The following SIGMAR1 variants were observed in gnomAD, a reference collection of about 807,000 sequenced individuals.
The protein encoded by SIGMAR1 is SR31747 binding protein 1.
A neutral mutation model predicts 25.4 loss-of-function variants in SIGMAR1; 18 were observed. That is an observed-to-expected ratio of 0.71 (90% CI 0.49 to 1.05). The LOEUF is 1.05. Among genes scored for constraint, SIGMAR1 ranks in the 50% least tolerant of loss-of-function variants. The pLI is 0.00. For synonymous variants in SIGMAR1, 125 were observed against 131.6 expected (o/e 0.95, Z 0.34); for missense variants, 249 against 301.6 (o/e 0.83, Z 1.29).
In SIGMAR1 at chr9:34,635,477, T is replaced by C; in HGVS notation, c.*155A>G. On this transcript the variant is annotated 3_prime_UTR_variant, in exon 4 of 4. Coordinates refer to ENST00000277010, the MANE Select transcript of SIGMAR1 (RefSeq NM_005866.4). The surrounding 1 kb of genome is among the most constrained non-coding windows in gnomAD (Gnocchi z 4.5). ...CATTTGTTCCCATGGGTCTCTGTGT[T>C]TGGATACATAAGCATGGATATCCCT... The C allele has an allele frequency of 1.7e-6, 2 of 1,145,356 alleles. No homozygotes were observed. The highest frequency in any genetic ancestry group is 2.5e-6 in the Non-Finnish European group (2 of 790,774). The allele number at this position is 1,145,356 out of a possible 1,614,324, so 70.9% of individuals were successfully genotyped here. A position where few individuals can be genotyped will look rare whatever the true frequency, so the allele number is the denominator to read the frequency against.
rs1322031976 is a variant in SIGMAR1 at position 34,635,896 on chromosome 9, T to C, written c.446-38A>G. The stretch of plus-strand genomic sequence containing the variant: ...GAGCACCCAAGTGAAAAGCCAGCTC[T>C]GCCCTGCCCTTCCATGGCTGCTGCT... On this transcript the variant is annotated intron_variant, in intron 3 of 3. Coordinates refer to ENST00000277010, the MANE Select transcript of SIGMAR1 (RefSeq NM_005866.4). The surrounding 1 kb of genome is among the most constrained non-coding windows in gnomAD (Gnocchi z 4.5). The C allele has an allele frequency of 6.2e-7, 1 of 1,612,212 alleles. No homozygotes were observed. The highest frequency in any genetic ancestry group is 1.7e-5 in the Admixed American group (1 of 59,974).
rs1305281099 is a variant in SIGMAR1, at chr9:34,635,813, C to T, written c.491G>A (p.Trp164Ter). The stretch of plus-strand genomic sequence containing the variant: ...CTCCACCATCCATGTGTTTGGCCCC[C>T]ACTCCACAGCTGTTGCCTCACCAGG... Reference protein sequence around the residue: ...HGPGEATAVEWGPNTWMVEYG... With the variant: ...HGPGEATAVE Residue 164 changes from tryptophan to a stop codon, truncating the protein, a stop_gained, in exon 4 of 4, where the codon TGG (tryptophan) becomes TAG (stop). Coordinates refer to ENST00000277010, the MANE Select transcript of SIGMAR1 (RefSeq NM_005866.4). LOFTEE classifies it high-confidence loss of function. This position sits in a 1 kb window ranked among gnomAD's most constrained non-coding sequence, Gnocchi z 4.5. The T allele has an allele frequency of 6.2e-7, 1 of 1,614,206 alleles. No individual in the cohort carries two copies. The highest frequency in any genetic ancestry group is 1.1e-5 in the South Asian group (1 of 91,086).
In SIGMAR1 at chr9:34,635,250, C is replaced by A; in HGVS notation, c.*382G>T. On this transcript the variant is annotated 3_prime_UTR_variant, in exon 4 of 4. Coordinates refer to ENST00000277010, the MANE Select transcript of SIGMAR1 (RefSeq NM_005866.4). This position sits in a 1 kb window ranked among gnomAD's most constrained non-coding sequence, Gnocchi z 4.5. ...ACTGAGGCAGTATAATACCCTCCCC[C>A]ATCCTTAACTCTAGAACCCCGGTTT... 2.9e-6 allele frequency: 1 copy of A among 349,870 alleles called. No homozygotes were observed. The highest frequency in any genetic ancestry group is 2.3e-5 in the South Asian group (1 of 43,304). The allele number at this position is 349,870 out of a possible 1,614,324, so 21.7% of individuals were successfully genotyped here. A position where few individuals can be genotyped will look rare whatever the true frequency, so the allele number is the denominator to read the frequency against.
Position 34,637,556 on chromosome 9 carries a change from G to A in SIGMAR1, c.142C>T (p.Gln48Ter). 2 of 1,583,992 alleles carry A rather than the reference G, an allele frequency of 1.3e-6. No homozygotes were observed. The highest frequency in any genetic ancestry group is 1.7e-6 in the Non-Finnish European group (2 of 1,169,406). ...CCCTCTGCCCGCTCACCAGCGTACT[G>A]CCGCGCCAACTGCGCTATCTCTTCG... ...QREEIAQLARQYAGLDHELAF... is the reference protein window; with the variant it reads ...QREEIAQLAR Residue 48 changes from glutamine (Q) to a stop codon, truncating the protein, a stop_gained, in exon 1 of 4, where the codon CAG (glutamine) becomes TAG (stop). Transcript: ENST00000277010. LOFTEE classifies it high-confidence loss of function.
chr9:34,635,531 A>G lies in SIGMAR1; in HGVS notation c.*101T>C. On this transcript the variant is annotated 3_prime_UTR_variant, in exon 4 of 4. Coordinates refer to ENST00000277010, the MANE Select transcript of SIGMAR1 (RefSeq NM_005866.4). This position sits in a 1 kb window ranked among gnomAD's most constrained non-coding sequence, Gnocchi z 4.5. ...CATACAGCAGGAACTCAGGATCTGCATGGTGTATGTCCCTGTCTGTAAACA... is the reference window on the plus strand; with the variant it reads ...CATACAGCAGGAACTCAGGATCTGCGTGGTGTATGTCCCTGTCTGTAAACA... 3 of 1,541,626 alleles carry G rather than the reference A, an allele frequency of 1.9e-6. No homozygotes were observed. Among genetic ancestry groups the G allele is most frequent in the African/African-American group, 2.7e-5 (2 of 73,424 alleles).
chr9:34,637,458 ACCGGTCCTAG>A, intron 1 of SIGMAR1, 38 bp from the exon 2 acceptor site: 3 of 1,590,466 alleles, frequency 1.9e-6, no homozygotes, highest in Non-Finnish European at 2.6e-6. Flanking sequence ...CAGGGCTGGC[ACCGGTCCTAG>A]GTCCGGGGAT....
intron 3 of SIGMAR1, among the ~76,000 whole-genome samples, chr9:34,636,347 G>A (rs556536833): frequency 1.5e-3 from 227 of 150,920 alleles, no homozygotes; most frequent in African/African-American, 5.3e-3. Flanking sequence ...AAAAGGCAGG[G>A]GAGCGGCCGG....
In SIGMAR1 at chr9:34,635,652, G is replaced by T; in HGVS notation, c.652C>A (p.Leu218Ile). The T allele has an allele frequency of 6.2e-7, 1 of 1,614,232 alleles. No individual in the cohort carries two copies. The highest frequency in any genetic ancestry group is 2.2e-5 in the East Asian group (1 of 44,886). ...GCTGGTCAAGGGTCCTGGCCAAAGA[G>T]GTAGGTGGTGAGCTCAAGCCGGAGG... ...RGLRLELTTY[L>I]FGQDP The change falls in exon 4 of 4, where the codon CTC (leucine) becomes ATC (isoleucine). Residue 218 changes from leucine (L) to isoleucine (I), a missense_variant. Leu to Ile is a conservative substitution (Grantham distance 5, BLOSUM62 2). Coordinates refer to ENST00000277010, the MANE Select transcript of SIGMAR1 (RefSeq NM_005866.4). The surrounding 1 kb of genome is among the most constrained non-coding windows in gnomAD (Gnocchi z 4.5).
chr9:34,635,785 G>A lies in SIGMAR1; in HGVS notation c.519C>T (p.Tyr173=), dbSNP rs761290005. 20 of 1,614,070 alleles carry A rather than the reference G, an allele frequency of 1.2e-5. No homozygotes were observed. Among genetic ancestry groups the A allele is most frequent in the Middle Eastern group, 1.6e-4 (1 of 6,084 alleles). The change falls in exon 4 of 4, where the codon TAC becomes TAT. Residue 173 remains tyrosine, a synonymous_variant. Transcript: ENST00000277010. The surrounding 1 kb of genome is among the most constrained non-coding windows in gnomAD (Gnocchi z 4.5). ...EWGPNTWMVE[Y]GRGVIPSTLA... is the part of the protein sequence containing the mutation. The stretch of plus-strand genomic sequence containing the variant: ...GGGTGGATGGGATGACGCCCCGGCC[G>A]TACTCCACCATCCATGTGTTTGGCC...
In SIGMAR1 at chr9:34,635,633, C is replaced by A; in HGVS notation, c.671G>T (p.Ter224LeuextTer64). ...AGGTCTTCCTTCAGGCCTGGCTGGT[C>A]AAGGGTCCTGGCCAAAGAGGTAGGT... ...LTTYLFGQDP* is the reference protein window; with the variant it reads ...LTTYLFGQDPL The change falls in exon 4 of 4, where the codon TGA becomes TTA. Residue 224 changes from the stop codon to leucine, a stop_lost. Coordinates refer to ENST00000277010, the MANE Select transcript of SIGMAR1 (RefSeq NM_005866.4). The surrounding 1 kb of genome is among the most constrained non-coding windows in gnomAD (Gnocchi z 4.5). The A allele has an allele frequency of 6.2e-7, 1 of 1,614,102 alleles. No individual in the cohort carries two copies. The highest frequency in any genetic ancestry group is 1.1e-5 in the South Asian group (1 of 91,044).
rs2132330852 is a variant in SIGMAR1 at position 34,637,672 on chromosome 9, C to T, written c.26G>A (p.Trp9Ter). The T allele has an allele frequency of 6.5e-7, 1 of 1,532,998 alleles. No homozygotes were observed. Among genetic ancestry groups the T allele is most frequent in the Non-Finnish European group, 8.7e-7 (1 of 1,144,856 alleles). The allele number at this position is 1,532,998 out of a possible 1,614,324, so 95.0% of individuals were successfully genotyped here. Residue 9 changes from tryptophan (W) to a stop codon, truncating the protein, a stop_gained, in exon 1 of 4, where the codon TGG becomes TAG. Transcript: ENST00000277010. LOFTEE classifies it high-confidence loss of function. MQWAVGRR[W>*]AWAALLLAVA... Reference sequence around the variant, plus strand: ...AGCCAGGAGCAGCGCGGCCCACGCCCACCGCCGGCCCACGGCCCACTGCAT... The same window carrying T: ...AGCCAGGAGCAGCGCGGCCCACGCCTACCGCCGGCCCACGGCCCACTGCAT...
chr9:34,635,500 C>G lies in SIGMAR1; in HGVS notation c.*132G>C. Reference sequence around the variant, plus strand: ...GTTTGGATACATAAGCATGGATATCCCTGCTCATACAGCAGGAACTCAGGA... The same window carrying G: ...GTTTGGATACATAAGCATGGATATCGCTGCTCATACAGCAGGAACTCAGGA... On this transcript the variant is annotated 3_prime_UTR_variant, in exon 4 of 4. Coordinates refer to ENST00000277010, the MANE Select transcript of SIGMAR1 (RefSeq NM_005866.4). This position sits in a 1 kb window ranked among gnomAD's most constrained non-coding sequence, Gnocchi z 4.5. 7.3e-7 allele frequency: 1 copy of G among 1,362,708 alleles called. No individual in the cohort carries two copies. Among genetic ancestry groups the G allele is most frequent in the East Asian group, 2.5e-5 (1 of 40,152 alleles). The allele number at this position is 1,362,708 out of a possible 1,614,324, so 84.4% of individuals were successfully genotyped here. A position where few individuals can be genotyped will look rare whatever the true frequency, so the allele number is the denominator to read the frequency against.
In SIGMAR1 at chr9:34,637,009, C is replaced by T. The variant is rs1820890876; in HGVS notation, c.433G>A (p.Val145Ile). The T allele has an allele frequency of 1.2e-6, 2 of 1,613,976 alleles. No homozygotes were observed. The highest frequency in any genetic ancestry group is 2.2e-5 in the East Asian group (1 of 44,894). The change falls in exon 3 of 4, where the codon GTC (valine) becomes ATC (isoleucine). Residue 145 changes from valine (V) to isoleucine (I), a missense_variant. Physicochemically the swap from Val to Ile is conservative, Grantham distance 29 (BLOSUM62 3). Transcript: ENST00000277010. ...QWREGTTKSE[V>I]FYPGETVVHG... ...CCTTCTTACCCACCTGGGTAGAAGA[C>T]CTCACTTTTGGTGGTGCCCTCTCTC...
Position 34,637,762 on chromosome 9 carries a change from G to A in SIGMAR1, c.-65C>T, listed in dbSNP as rs932631229. 15 of 1,202,652 alleles carry A rather than the reference G, an allele frequency of 1.2e-5. 1 individual carries two copies. The highest frequency in any genetic ancestry group is 5.9e-4 in the Middle Eastern group (2 of 3,388). 74.5% of individuals were successfully genotyped at this position (1,202,652 alleles called of 1,614,324 possible). Reference sequence around the variant, plus strand: ...CCGGGGCCTGAGGCTTTGCGCTCACGGCCTCGGAGCCCGCCGGCTGCCCAC... The same window carrying A: ...CCGGGGCCTGAGGCTTTGCGCTCACAGCCTCGGAGCCCGCCGGCTGCCCAC... On this transcript the variant is annotated 5_prime_UTR_variant, in exon 1 of 4. Transcript: ENST00000277010.
chr9:34,635,412 G>C lies in SIGMAR1; in HGVS notation c.*220C>G. The C allele has an allele frequency of 1.5e-6, 1 of 677,608 alleles. No individual in the cohort carries two copies. The highest frequency in any genetic ancestry group is 1.8e-5 in the South Asian group (1 of 56,464). The allele number at this position is 677,608 out of a possible 1,614,324, so 42.0% of individuals were successfully genotyped here. A position where few individuals can be genotyped will look rare whatever the true frequency, so the allele number is the denominator to read the frequency against. ...CTCTCCAGATGGGTGTGAGTGCATG[G>C]TCCTACTGTACACACAGGTCTCAGT... On this transcript the variant is annotated 3_prime_UTR_variant, in exon 4 of 4. Transcript: ENST00000277010. This position sits in a 1 kb window ranked among gnomAD's most constrained non-coding sequence, Gnocchi z 4.5.
chr9:34,637,740 G>T lies in SIGMAR1; in HGVS notation c.-43C>A. On this transcript the variant is annotated 5_prime_UTR_variant, in exon 1 of 4. Coordinates refer to ENST00000277010, the MANE Select transcript of SIGMAR1 (RefSeq NM_005866.4). ...CACGGCGCAGCTCAGGAGGGAGCCG[G>T]GGCCTGAGGCTTTGCGCTCACGGCC... The T allele has an allele frequency of 7.2e-7, 1 of 1,386,840 alleles. No individual in the cohort carries two copies. The highest frequency in any genetic ancestry group is 1.4e-5 in the South Asian group (1 of 69,090). 85.9% of individuals were successfully genotyped at this position (1,386,840 alleles called of 1,614,324 possible).
At chr9:34,636,783 A>G (rs1321412526) in intron 3 of SIGMAR1, 1 of 608,256 alleles carries the variant, frequency 1.6e-6, no homozygotes, top group African/African-American at 1.8e-5. Flanking sequence ...CATGTTTAAT[A>G]GGAAGTTGTT....
chr9:34,637,323 G>T lies in SIGMAR1; in HGVS notation c.249C>A (p.Phe83Leu). 6.2e-7 allele frequency: 1 copy of T among 1,602,758 alleles called. No homozygotes were observed. Among genetic ancestry groups the T allele is most frequent in the Non-Finnish European group, 8.5e-7 (1 of 1,177,868 alleles). Residue 83 changes from phenylalanine to leucine, a missense_variant, in exon 2 of 4, where the codon TTC becomes TTA. By Grantham distance (22) the Phe-to-Leu change is conservative. Coordinates refer to ENST00000277010, the MANE Select transcript of SIGMAR1 (RefSeq NM_005866.4). ...VLPDEELQWV[F>L]VNAGGWMGAM... ...CGCCCATCCAGCCACCCGCATTCAC[G>T]AACACCCACTGCAGCTCCTCGTCGG...
intron 3 of SIGMAR1, among the ~76,000 whole-genome samples, chr9:34,636,426 G>A (rs978323451): frequency 1.3e-5 from 2 of 151,830 alleles, no homozygotes; most frequent in African/African-American, 4.8e-5. Flanking sequence ...GAGGTCAGGA[G>A]ATCGAGACCA....
Sources: allele counts gnomAD v4.1 joint callset (sites outside exome capture counted in the v4.1 genomes callset), GRCh38; gene constraint gnomAD v4.1.1; non-coding constraint Gnocchi (gnomAD v3.1); transcripts MANE v1.5; gene names NCBI Gene and HGNC (gene_info 2026-07-23, HGNC 2026-07-21).